RYR3: variants seen among roughly 807,000 people sequenced by gnomAD.
RYR3 encodes ryanodine receptor 3, also known as brain ryanodine receptor-calcium release channel.
RYR3 carries 207 observed loss-of-function variants against 584.3 expected under a neutral mutation model. The observed-to-expected ratio is 0.35, with a 90% CI of 0.32 to 0.40. The LOEUF (loss-of-function observed/expected upper bound fraction) is 0.40. RYR3 is among the 10% of genes least tolerant of loss of function. RYR3 has a pLI of 1.00. For synonymous variants in RYR3, 2,416 were observed against 2,248.5 expected (o/e 1.07, Z -2.11); for missense variants, 5,616 against 6,089.2 (o/e 0.92, Z 2.59).
At chr15:33,691,597 G>A (rs2065438683) in intron 38 of RYR3, among the ~76,000 whole-genome samples, 1 of 151,774 alleles carries the variant, frequency 6.6e-6, no homozygotes. Flanking sequence ...CATGAAATAA[G>A]CAGCTAGTTC....
At chr15:33,335,282 TG>T (rs1362517566) in intron 1 of RYR3, among the ~76,000 whole-genome samples, 1 of 152,182 alleles carries the variant, frequency 6.6e-6, no homozygotes, top group Non-Finnish European at 1.5e-5. Flanking sequence ...TCAACCTAAA[TG>T]CCCATCAGTG....
intron 67 of RYR3, among the ~76,000 whole-genome samples, chr15:33,790,126 G>T (rs1307760161): frequency 6.6e-6 from 1 of 151,322 alleles, no homozygotes; most frequent in Admixed American, 6.6e-5. Flanking sequence ...GAGTAGCTGG[G>T]ACTACAGGCG....
intron 31 of RYR3, 38 bp downstream of exon 31, chr15:33,649,273 C>T (rs773096318): frequency 2.5e-6 from 4 of 1,582,396 alleles, no homozygotes; most frequent in South Asian, 2.2e-5. Flanking sequence ...AGCCATCGGG[C>T]TTCTCAGTCC....
At chr15:33,370,477 T>G (rs934626629) in intron 1 of RYR3, among the ~76,000 whole-genome samples, 1 of 152,284 alleles carries the variant, frequency 6.6e-6, no homozygotes, top group African/African-American at 2.4e-5. Flanking sequence ...CTATGCTGCT[T>G]ACAGATAGGA....
rs904166672 is a variant in RYR3 at position 33,738,174 on chromosome 15, C to T, written c.7516-276C>T. On this transcript the variant is annotated intron_variant, in intron 49 of 103. Coordinates refer to ENST00000634891, the MANE Select transcript of RYR3 (RefSeq NM_001036.6). ...AGCACTTTCTGGTGTGAACTAGAAA[C>T]GGCTCCTCTCCATTTCCTAGTAACT... Among the ~76,000 whole-genome samples the T allele has an allele frequency of 4.6e-5, 7 of 152,122 alleles. No homozygotes were observed. In the South Asian group the frequency reaches 8.3e-4, roughly 18 times the overall value.
intron 1 of RYR3, among the ~76,000 whole-genome samples, chr15:33,340,997 A>G (rs1314990574): frequency 6.6e-6 from 1 of 152,090 alleles, no homozygotes; most frequent in Non-Finnish European, 1.5e-5. Flanking sequence ...GTTGAACCAC[A>G]CACTGCTAAG....
chr15:33,825,106 C>T (rs769637119), intron 81 of RYR3, among the ~76,000 whole-genome samples: 1 of 152,120 alleles, frequency 6.6e-6, no homozygotes, highest in Non-Finnish European at 1.5e-5. Flanking sequence ...CATAAAAGGG[C>T]GTGGCCCTTT....
intron 1 of RYR3, among the ~76,000 whole-genome samples, chr15:33,359,299 G>T (rs536638831): frequency 6.6e-6 from 1 of 152,112 alleles, no homozygotes; most frequent in African/African-American, 2.4e-5. Context: ...ACTTTCCAGC[G>T]TACTTAAATT....
chr15:33,792,497 G>A (rs2075222957), intron 67 of RYR3, among the ~76,000 whole-genome samples: 1 of 152,128 alleles, frequency 6.6e-6, no homozygotes, highest in Non-Finnish European at 1.5e-5. Context: ...ATGCTGTGCT[G>A]GACAGGCTGT....
Position 33,663,606 on chromosome 15 carries a change from G to T in RYR3, c.5488G>T (p.Gly1830Cys). 4 of 1,613,630 alleles carry T rather than the reference G, an allele frequency of 2.5e-6. No homozygotes were observed. The highest frequency in any genetic ancestry group is 3.4e-6 in the Non-Finnish European group (4 of 1,179,788). Residue 1830 changes from glycine to cysteine, a missense_variant, in exon 36 of 104, where the codon GGT becomes TGT. Transcript: ENST00000634891. ...QHRVEAIVAF[G>C]DIYVSKLQAN... is the part of the protein sequence containing the mutation. ...CCGAGTGGAGGCCATTGTGGCATTT[G>T]GTGACATTTATGTCTCCAAGCTGCA...
At chr15:33,631,900 A>G (rs887914282) in intron 23 of RYR3, among the ~76,000 whole-genome samples, 14 of 152,238 alleles carry the variant, frequency 9.2e-5, no homozygotes, top group African/African-American at 3.4e-4. Flanking sequence ...AAGCAGTGCC[A>G]GCTTTAATCA....
chr15:33,398,030 C>T (rs182552339), intron 1 of RYR3, among the ~76,000 whole-genome samples: 6 of 152,172 alleles, frequency 3.9e-5, no homozygotes, highest in East Asian at 3.9e-4. Context: ...CCTGGTATGC[C>T]AAATATAAAA....
intron 9 of RYR3, among the ~76,000 whole-genome samples, chr15:33,549,053 A>G (rs2141229861): frequency 9.5e-6 from 1 of 105,354 alleles, no homozygotes; most frequent in Non-Finnish European, 2.2e-5. Flanking sequence ...CTTACACCAT[A>G]CACACATATG....
intron 47 of RYR3, among the ~76,000 whole-genome samples, chr15:33,729,816 A>G (rs2068793544): frequency 6.6e-6 from 1 of 152,166 alleles, no homozygotes; most frequent in Non-Finnish European, 1.5e-5. Context: ...TAGTTATAAC[A>G]TTTCTCAAAG....
intron 1 of RYR3, among the ~76,000 whole-genome samples, chr15:33,447,050 T>A (rs1214629482): frequency 6.6e-6 from 1 of 152,250 alleles, no homozygotes; most frequent in African/African-American, 2.4e-5. Flanking sequence ...CAGCCCTGAT[T>A]AGAATGACAG....
Position 33,311,900 on chromosome 15 carries a change from G to A in RYR3, c.51+804G>A, listed in dbSNP as rs1351300638. Among the ~76,000 whole-genome samples the A allele has an allele frequency of 1.3e-5, 2 of 152,208 alleles. No homozygotes were observed. The highest frequency in any genetic ancestry group is 4.8e-5 in the African/African-American group (2 of 41,450). On this transcript the variant is annotated intron_variant, in intron 1 of 103. Coordinates refer to ENST00000634891, the MANE Select transcript of RYR3 (RefSeq NM_001036.6). The surrounding 1 kb of genome is among the most constrained non-coding windows in gnomAD (Gnocchi z 4.4). ...GTTGCAGCCACACCAGCCTTGCCCT[G>A]TAGGAGATAATACAAAGACTTTCAG... is the stretch of plus-strand genomic sequence containing the variant.
chr15:33,861,319 T>TAGACTCTGTCTCTCCCATGTGTG (rs1435483300), intron 102 of RYR3, 141 bp downstream of exon 102: 1 of 581,364 alleles, frequency 1.7e-6, no homozygotes, highest in African/African-American at 1.9e-5. Flanking sequence ...CCTTTGTCCA[T>TAGACTCTGTCTCTCCCATGTGTG]AGACTCTGTC....
intron 3 of RYR3, among the ~76,000 whole-genome samples, chr15:33,504,441 A>C (rs1240927488): frequency 6.6e-6 from 1 of 152,332 alleles, no homozygotes; most frequent in Middle Eastern, 3.4e-3. Flanking sequence ...CTCAAATTCA[A>C]CCATTTCTCT....
At chr15:33,393,754 T>A (rs2042139073) in intron 1 of RYR3, among the ~76,000 whole-genome samples, 2 of 152,218 alleles carry the variant, frequency 1.3e-5, no homozygotes, top group Admixed American at 1.3e-4. Flanking sequence ...AAGCTTGAAT[T>A]CTAAGCCAGG....
Sources: gnomAD v4.1 joint callset for allele counts (sites outside exome capture counted in the v4.1 genomes callset) on GRCh38, gnomAD v4.1.1 for gene constraint, Gnocchi (gnomAD v3.1) non-coding constraint, MANE v1.5 for transcripts, NCBI Gene and HGNC (gene_info 2026-07-23, HGNC 2026-07-21) for gene names.